Variants in CALN1 observed in about 807,000 individuals in gnomAD.
CALN1 encodes the protein calneuron 1.
A neutral mutation model predicts 30.6 loss-of-function variants in CALN1; 17 were observed. The ratio of observed to expected loss-of-function variants is 0.56; its 90% CI spans 0.38 to 0.83. CALN1 has a LOEUF of 0.83. Ranked by LOEUF, CALN1 falls within the 40% of genes least tolerant of loss-of-function variation. The pLI, the probability that CALN1 is intolerant of heterozygous loss-of-function variation, is 0.00. For missense variants in CALN1, 291 were observed against 354.9 expected (o/e 0.82, Z 1.45); for synonymous variants, 156 against 131.4 (o/e 1.19, Z -1.28).
At chr7:72,353,071 C>A (rs563550810) in intron 2 of CALN1, among the ~76,000 whole-genome samples, 2 of 152,156 alleles carry the variant, frequency 1.3e-5, no homozygotes, top group Non-Finnish European at 2.9e-5. Flanking sequence ...ATTCCTATAT[C>A]TTTTAAAGAA....
intron 5 of CALN1, among the ~76,000 whole-genome samples, chr7:71,918,336 G>GC (rs1419074857): frequency 6.6e-6 from 1 of 152,184 alleles, no homozygotes; most frequent in Admixed American, 6.5e-5. Flanking sequence ...TTGAAACAAT[G>GC]CATCTGTGTG....
At chr7:72,411,039 T>TA (rs1807100366) in intron 1 of CALN1, among the ~76,000 whole-genome samples, 2 of 152,296 alleles carry the variant, frequency 1.3e-5, no homozygotes, top group South Asian at 2.1e-4. Context: ...TAGGTGAATT[T>TA]AGTAAAGCAT....
At chr7:72,011,798 C>A (rs149326329) in intron 5 of CALN1, among the ~76,000 whole-genome samples, 2 of 152,130 alleles carry the variant, frequency 1.3e-5, no homozygotes, top group Non-Finnish European at 2.9e-5. Context: ...GTATGCACCA[C>A]CAGACCCAGC....
chr7:72,498,407 T>C, the CALN1 span, among the ~76,000 whole-genome samples: 8 of 147,766 alleles, frequency 5.4e-5, no homozygotes, highest in African/African-American at 2.0e-4. Context: ...CAAAAAGAAA[T>C]AGAAAATCTC....
chr7:71,965,116 C>G (rs1584627734), intron 5 of CALN1, among the ~76,000 whole-genome samples: 1 of 152,280 alleles, frequency 6.6e-6, no homozygotes, highest in East Asian at 1.9e-4. Context: ...CAGCCTCTAC[C>G]TCTTGTGTTC....
intron 5 of CALN1, among the ~76,000 whole-genome samples, chr7:72,019,411 C>T (rs73368146): frequency 0.11 from 16,164 of 152,184 alleles, 1,175 homozygotes; most frequent in African/African-American, 0.2. Context: ...CTGTTCTCTC[C>T]CACACTTAAT....
At chr7:71,816,067 GC>G (rs1403989955) in intron 5 of CALN1, among the ~76,000 whole-genome samples, 2 of 149,886 alleles carry the variant, frequency 1.3e-5, no homozygotes, top group Admixed American at 6.7e-5. Flanking sequence ...AGAGAGTCTT[GC>G]TATGTTGCCC....
chr7:72,369,305 A>AT, intron 2 of CALN1, among the ~76,000 whole-genome samples: 1 of 146,908 alleles, frequency 6.8e-6, no homozygotes, highest in Admixed American at 6.9e-5. Context: ...ATATTTATAT[A>AT]TTTATAAATA....
At position 72,378,494 on chromosome 7, in the gene CALN1, T is replaced by C. The variant is rs542567268; in HGVS notation, c.119+24757A>G. On this transcript the variant is annotated intron_variant, in intron 2 of 6. Coordinates refer to ENST00000395275, the MANE Select transcript of CALN1 (RefSeq NM_031468.4). ...TAATGGCTTTTATGGAAACACAGAA[T>C]TTTAGAGTTCCCAATCTGCCACTTT... Among the ~76,000 whole-genome samples, 10 of 152,288 alleles carry C rather than the reference T, an allele frequency of 6.6e-5. No homozygotes were observed. The East Asian group carries it at 1.9e-3, about 29-fold the overall frequency.
chr7:72,161,449 C>T (rs1788101782), intron 3 of CALN1, among the ~76,000 whole-genome samples: 2 of 152,188 alleles, frequency 1.3e-5, no homozygotes, highest in Non-Finnish European at 2.9e-5. Flanking sequence ...AAGGTAGTGG[C>T]TTTCTACCCC....
At chr7:72,261,103 T>C (rs1796241600) in intron 3 of CALN1, among the ~76,000 whole-genome samples, 1 of 151,682 alleles carries the variant, frequency 6.6e-6, no homozygotes, top group South Asian at 2.1e-4. Context: ...AGGTCAGGAG[T>C]TCGAGACCAG....
At chr7:72,234,810 G>C (rs1444550170) in intron 3 of CALN1, among the ~76,000 whole-genome samples, 5 of 152,106 alleles carry the variant, frequency 3.3e-5, no homozygotes, top group Non-Finnish European at 5.9e-5. Context: ...ATTTAATTTG[G>C]TATGTTCTCC....
intron 2 of CALN1, among the ~76,000 whole-genome samples, chr7:72,374,348 G>C (rs1804417450): frequency 6.6e-6 from 1 of 152,010 alleles, no homozygotes; most frequent in African/African-American, 2.4e-5. Flanking sequence ...GGCCAACAGG[G>C]CAAAACCCCG....
intron 4 of CALN1, among the ~76,000 whole-genome samples, chr7:72,100,400 T>G (rs7778610): frequency 0.25 from 38,288 of 151,926 alleles, 5,072 homozygotes; most frequent in Middle Eastern, 0.29. Context: ...CAGACCGGTC[T>G]TAAATTCCTG....
intron 3 of CALN1, among the ~76,000 whole-genome samples, chr7:72,159,241 T>C (rs1461732136): frequency 1.3e-5 from 2 of 152,226 alleles, no homozygotes; most frequent in Non-Finnish European, 2.9e-5. Flanking sequence ...TTGCAATCAA[T>C]AATGGCTTCA....
intron 5 of CALN1, among the ~76,000 whole-genome samples, chr7:71,943,717 C>T (rs1328011142): frequency 1.3e-5 from 2 of 152,130 alleles, no homozygotes; most frequent in African/African-American, 4.8e-5. Flanking sequence ...GTTGGGATTA[C>T]AGGAGTGAGC....
chr7:71,950,102 C>G (rs910096091), intron 5 of CALN1, among the ~76,000 whole-genome samples: 1 of 152,106 alleles, frequency 6.6e-6, no homozygotes, highest in African/African-American at 2.4e-5. Flanking sequence ...TTGCTTCATT[C>G]CTTCCTTGCT....
At position 71,790,368 on chromosome 7, in the gene CALN1, AAAAGAAAGAAAGAAAGAAAG is replaced by A. The variant is rs66616944; in HGVS notation, c.659-2486_659-2467del. On this transcript the variant is annotated intron_variant, in intron 6 of 6. Coordinates refer to ENST00000395275, the MANE Select transcript of CALN1 (RefSeq NM_031468.4). ...AAAGAAAAGAAAGAAAGAAAGAAAG[AAAAGAAAGAAAGAAAGAAAG>A]AAAGAAAGAAAGAAAGAAAGAAAGA... is the stretch of plus-strand genomic sequence containing the variant. Among the ~76,000 whole-genome samples, 344 of 123,774 alleles carry A rather than the reference AAAAGAAAGAAAGAAAGAAAG, an allele frequency of 2.8e-3. 4 individuals carry two copies. Among genetic ancestry groups the A allele is most frequent in the East Asian group, 7.2e-3 (26 of 3,598 alleles). 81.2% of individuals were successfully genotyped at this position (123,774 alleles called of 152,430 possible). A position where few individuals can be genotyped will look rare whatever the true frequency, so the allele number is the denominator to read the frequency against.
intron 4 of CALN1, among the ~76,000 whole-genome samples, chr7:72,054,492 C>CAT (rs1233791962): frequency 0.29 from 27,956 of 96,092 alleles, 4,962 homozygotes; most frequent in East Asian, 0.74. Flanking sequence ...TATATATATA[C>CAT]ATATATACAT....
Sources: allele counts gnomAD v4.1 joint callset (sites outside exome capture counted in the v4.1 genomes callset), GRCh38; gene constraint gnomAD v4.1.1; transcripts MANE v1.5; gene names NCBI Gene and HGNC (gene_info 2026-07-23, HGNC 2026-07-21).